Variants in HHLA2 observed in about 807,000 individuals in gnomAD.
HHLA2 encodes the protein HHLA2 member of B7 family.
Under a neutral mutation model 45.9 loss-of-function variants are expected in HHLA2, and 48 were observed. That is an observed-to-expected ratio of 1.05 (90% CI 0.83 to 1.33). The LOEUF (loss-of-function observed/expected upper bound fraction) is 1.33. HHLA2 is among the 40% of genes most tolerant of loss of function. HHLA2 has a pLI of 0.00. For missense variants in HHLA2, 462 were observed against 494.3 expected (o/e 0.93, Z 0.62); for synonymous variants, 161 against 173.9 (o/e 0.93, Z 0.59).
chr3:108,298,134 A>G (rs1043511030), intron 1 of HHLA2, among the ~76,000 whole-genome samples: 1 of 152,206 alleles, frequency 6.6e-6, no homozygotes, highest in Non-Finnish European at 1.5e-5. Flanking sequence ...GGGCTATCCA[A>G]GAGCCAGTTG....
intron 4 of HHLA2, among the ~76,000 whole-genome samples, chr3:108,352,460 CA>C (rs1352649457): frequency 6.6e-6 from 1 of 152,184 alleles, no homozygotes; most frequent in Non-Finnish European, 1.5e-5. Context: ...GCCACTTGGG[CA>C]CGCAGTTCTT....
chr3:108,339,038 T>TTAA (rs921324968), intron 3 of HHLA2, among the ~76,000 whole-genome samples: 3 of 152,130 alleles, frequency 2.0e-5, no homozygotes, highest in African/African-American at 7.2e-5. Flanking sequence ...GAGGCTACTG[T>TTAA]TAATAATTAA....
At chr3:108,342,837 A>AACCT (rs2081597803) in intron 3 of HHLA2, among the ~76,000 whole-genome samples, 1 of 152,114 alleles carries the variant, frequency 6.6e-6, no homozygotes, top group Non-Finnish European at 1.5e-5. Flanking sequence ...TTGTACCTCA[A>AACCT]ACCTAATGCT....
exon 11 of HHLA2, chr3:108,377,845 T>G (rs991294183): frequency 6.6e-6 from 1 of 152,382 alleles, no homozygotes; most frequent in African/African-American, 2.4e-5. Context: ...TTAAGATTGC[T>G]AGGGAAAAGG....
At chr3:108,315,751 A>G (rs1365963747) in intron 2 of HHLA2, among the ~76,000 whole-genome samples, 1 of 152,060 alleles carries the variant, frequency 6.6e-6, no homozygotes, top group Non-Finnish European at 1.5e-5. Context: ...TAGTTTTCTT[A>G]TGGTTGTTTG....
At chr3:108,299,184 T>C (rs904761154) in intron 1 of HHLA2, among the ~76,000 whole-genome samples, 6 of 152,098 alleles carry the variant, frequency 3.9e-5, no homozygotes, top group Non-Finnish European at 7.4e-5. Context: ...TATTTCCAAA[T>C]TGACAAATTA....
chr3:108,351,658 C>T, intron 3 of HHLA2, 130 bp from the exon 3 acceptor site: 2 of 549,612 alleles, frequency 3.6e-6, no homozygotes, highest in Non-Finnish European at 6.4e-6. Flanking sequence ...CCTTCCATGC[C>T]ATTGAACCAT....
intron 1 of HHLA2, among the ~76,000 whole-genome samples, chr3:108,305,234 A>T (rs1001750703): frequency 2.6e-5 from 4 of 152,222 alleles, no homozygotes; most frequent in Admixed American, 2.0e-4. Flanking sequence ...TGGGAGGTTA[A>T]AAACTCAGGG....
chr3:108,361,042 G>A (rs2081976432), intron 7 of HHLA2, among the ~76,000 whole-genome samples: 1 of 152,154 alleles, frequency 6.6e-6, no homozygotes, highest in Non-Finnish European at 1.5e-5. Flanking sequence ...AGACCATAAG[G>A]TTAGCAGGGT....
chr3:108,345,130 T>C (rs1359766449), intron 3 of HHLA2, among the ~76,000 whole-genome samples: 2 of 152,108 alleles, frequency 1.3e-5, no homozygotes, highest in Admixed American at 1.3e-4. Context: ...TAAGGAAGAT[T>C]GAGAAGGAGG....
At chr3:108,373,119 A>G (rs961551114) in intron 8 of HHLA2, among the ~76,000 whole-genome samples, 2 of 152,238 alleles carry the variant, frequency 1.3e-5, no homozygotes, top group Non-Finnish European at 2.9e-5. Flanking sequence ...CACATCAAAA[A>G]GCTTATCCAC....
intron 3 of HHLA2, among the ~76,000 whole-genome samples, chr3:108,348,414 G>A (rs754454049): frequency 3.3e-5 from 5 of 152,154 alleles, no homozygotes; most frequent in African/African-American, 4.8e-5. Flanking sequence ...GAAAAGAGCC[G>A]AGAGTTGGTA....
chr3:108,316,142 G>C (rs746953748), intron 2 of HHLA2, among the ~76,000 whole-genome samples: 1 of 151,556 alleles, frequency 6.6e-6, no homozygotes, highest in Non-Finnish European at 1.5e-5. Context: ...ATTCCAGCCG[G>C]AAAAGTCAAC....
Position 108,318,603 on chromosome 3 carries a change from C to T in HHLA2, c.-105+7862C>T, listed in dbSNP as rs1006578973. ...CCTTTTCCCCCAACATCTTTTTCTT[C>T]GTATTATACTAATTCATGTTCATTG... On this transcript the variant is annotated intron_variant, in intron 2 of 10. Transcript: ENST00000619531. Among the ~76,000 whole-genome samples, 70 of 152,048 alleles carry T rather than the reference C, an allele frequency of 4.6e-4. 1 individual carries two copies. The highest frequency in any genetic ancestry group is 1.9e-4 in the Non-Finnish European group (13 of 67,994).
At chr3:108,342,456 G>A (rs955099806) in intron 3 of HHLA2, among the ~76,000 whole-genome samples, 4 of 151,716 alleles carry the variant, frequency 2.6e-5, no homozygotes, top group African/African-American at 9.7e-5. Context: ...GTAGAGACAG[G>A]GTTTCGCCAT....
intron 2 of HHLA2, among the ~76,000 whole-genome samples, chr3:108,320,059 T>C (rs2081173263): frequency 6.6e-6 from 1 of 152,254 alleles, no homozygotes; most frequent in Non-Finnish European, 1.5e-5. Flanking sequence ...TTTAATAAAT[T>C]CTGCAAGATA....
chr3:108,328,137 A>G (rs1405738158), intron 2 of HHLA2: 3 of 279,872 alleles, frequency 1.1e-5, no homozygotes, highest in Admixed American at 5.5e-5. Context: ...TGTCTCGAAG[A>G]AAAAAAAAAA....
chr3:108,315,895 T>A (rs2081095235), intron 2 of HHLA2, among the ~76,000 whole-genome samples: 1 of 152,152 alleles, frequency 6.6e-6, no homozygotes, highest in Non-Finnish European at 1.5e-5. Context: ...GGATGTTTAT[T>A]TGGGTAATCT....
intron 3 of HHLA2, among the ~76,000 whole-genome samples, chr3:108,332,250 C>T (rs1256177400): frequency 1.3e-5 from 2 of 152,150 alleles, no homozygotes; most frequent in African/African-American, 2.4e-5. Context: ...GGCACAGTTA[C>T]CTCCAGGCGG....
Sources: gnomAD v4.1 joint callset for allele counts (sites outside exome capture counted in the v4.1 genomes callset) on GRCh38, gnomAD v4.1.1 for gene constraint, MANE v1.5 for transcripts, NCBI Gene and HGNC (gene_info 2026-07-23, HGNC 2026-07-21) for gene names.